The following GABRB2 variants were observed in gnomAD, a reference collection of about 807,000 sequenced individuals.
The protein encoded by GABRB2 is gamma-aminobutyric acid receptor subunit beta-2.
A neutral mutation model predicts 54.7 loss-of-function variants in GABRB2; 16 were observed. The ratio of observed to expected loss-of-function variants is 0.29; its 90% CI spans 0.20 to 0.44. The LOEUF is 0.44. Ranked by LOEUF, GABRB2 falls within the 20% of genes least tolerant of loss-of-function variation. GABRB2 has a pLI of 1.00. For synonymous variants in GABRB2, 244 were observed against 233.8 expected (o/e 1.04, Z -0.40); for missense variants, 355 against 644.0 (o/e 0.55, Z 4.86).
intron 5 of GABRB2, among the ~76,000 whole-genome samples, chr5:161,355,888 A>G (rs1754611471): frequency 6.6e-6 from 1 of 152,128 alleles, no homozygotes; most frequent in Non-Finnish European, 1.5e-5. Context: ...TATTCATGCA[A>G]AAGATTTTTA....
At chr5:161,404,714 G>A (rs936659603) in intron 5 of GABRB2, among the ~76,000 whole-genome samples, 2 of 152,068 alleles carry the variant, frequency 1.3e-5, no homozygotes, top group African/African-American at 4.8e-5. Flanking sequence ...AAACACATAC[G>A]CTGTTCTACT....
chr5:161,334,012 T>C (rs1753923123), intron 7 of GABRB2, among the ~76,000 whole-genome samples: 1 of 152,198 alleles, frequency 6.6e-6, no homozygotes, highest in Non-Finnish European at 1.5e-5. Flanking sequence ...TTAGCATATA[T>C]TAGGTATTTA....
At chr5:161,493,015 C>T (rs1759127494) in intron 3 of GABRB2, among the ~76,000 whole-genome samples, 1 of 151,560 alleles carries the variant, frequency 6.6e-6, no homozygotes, top group African/African-American at 2.4e-5. Context: ...GCACTAATGC[C>T]AGCATTTCTG....
intron 5 of GABRB2, among the ~76,000 whole-genome samples, chr5:161,365,073 C>G (rs980822231): frequency 6.6e-6 from 1 of 152,164 alleles, no homozygotes; most frequent in Non-Finnish European, 1.5e-5. Flanking sequence ...GAGAAAGGCT[C>G]AAGCTACAGC....
chr5:161,536,236 T>C (rs750894045), intron 3 of GABRB2, among the ~76,000 whole-genome samples: 2 of 152,038 alleles, frequency 1.3e-5, no homozygotes, highest in Admixed American at 6.5e-5. Flanking sequence ...TGTTGAGCGC[T>C]GTACGAAAGT....
intron 6 of GABRB2, 117 bp downstream of exon 6, chr5:161,336,515 T>C: frequency 1.7e-6 from 2 of 1,205,912 alleles, no homozygotes; most frequent in Non-Finnish European, 2.3e-6. Flanking sequence ...GGGTTTTCAG[T>C]GGATTTGTCT....
intron 5 of GABRB2, among the ~76,000 whole-genome samples, chr5:161,382,884 C>G: frequency 6.6e-6 from 1 of 152,158 alleles, no homozygotes; most frequent in East Asian, 1.9e-4. Context: ...GTCATGAGGT[C>G]CCCTGAGCCG....
At chr5:161,508,621 A>G (rs1759676299) in intron 3 of GABRB2, among the ~76,000 whole-genome samples, 2 of 152,032 alleles carry the variant, frequency 1.3e-5, no homozygotes, top group South Asian at 4.1e-4. Flanking sequence ...AGTTACATTC[A>G]TAATAAGGAA....
At chr5:161,405,194 G>A (rs1309960138) in intron 5 of GABRB2, among the ~76,000 whole-genome samples, 1 of 151,924 alleles carries the variant, frequency 6.6e-6, no homozygotes, top group East Asian at 1.9e-4. Flanking sequence ...CTTCCTCAGG[G>A]TAAATGTTCC....
chr5:161,523,871 T>C (rs1451111812), intron 3 of GABRB2, among the ~76,000 whole-genome samples: 1 of 151,270 alleles, frequency 6.6e-6, no homozygotes, highest in Non-Finnish European at 1.5e-5. Context: ...ATATTCTGAG[T>C]AGATACTGAA....
chr5:161,422,984 G>A (rs1196781982), intron 4 of GABRB2, among the ~76,000 whole-genome samples: 2 of 152,084 alleles, frequency 1.3e-5, no homozygotes, highest in African/African-American at 2.4e-5. Flanking sequence ...TTGTTCTAAT[G>A]AATCTCTTTA....
chr5:161,539,926 T>C (rs1237795074), intron 3 of GABRB2, among the ~76,000 whole-genome samples: 3 of 152,212 alleles, frequency 2.0e-5, no homozygotes, highest in Non-Finnish European at 2.9e-5. Context: ...CTAACAATCA[T>C]CTGAGCCTTC....
At chr5:161,501,198 G>GA (rs1317650813) in intron 3 of GABRB2, among the ~76,000 whole-genome samples, 2 of 151,642 alleles carry the variant, frequency 1.3e-5, no homozygotes, top group Non-Finnish European at 2.9e-5. Flanking sequence ...TAGAAATCAA[G>GA]AAAAAAATCA....
At chr5:161,440,758 C>T (rs1283812030) in intron 4 of GABRB2, among the ~76,000 whole-genome samples, 1 of 152,002 alleles carries the variant, frequency 6.6e-6, no homozygotes, top group Non-Finnish European at 1.5e-5. Context: ...ATGGTACTGG[C>T]ATAGAAACAG....
intron 4 of GABRB2, 73 bp downstream of exon 4, chr5:161,459,551 A>G (rs1758058296): frequency 1.6e-6 from 2 of 1,232,878 alleles, no homozygotes; most frequent in Non-Finnish European, 2.4e-6. Context: ...AAATAGCACA[A>G]TATTTCCATC....
intron 5 of GABRB2, among the ~76,000 whole-genome samples, chr5:161,337,416 A>G (rs1449688940): frequency 6.6e-6 from 1 of 152,148 alleles, no homozygotes; most frequent in Non-Finnish European, 1.5e-5. Context: ...AAAAACTCAA[A>G]ACAACATTAA....
At chr5:161,372,515 A>T (rs1275901301) in intron 5 of GABRB2, among the ~76,000 whole-genome samples, 3 of 152,156 alleles carry the variant, frequency 2.0e-5, no homozygotes, top group Admixed American at 6.5e-5. Context: ...ACTCATTTAC[A>T]TCTTCCCTAA....
chr5:161,532,049 G>T (rs989212092), intron 3 of GABRB2, among the ~76,000 whole-genome samples: 1 of 151,942 alleles, frequency 6.6e-6, no homozygotes, highest in African/African-American at 2.4e-5. Flanking sequence ...ACATCTTCAC[G>T]CAGGGTACTT....
chr5:161,484,506 C>T (rs1025174824), intron 3 of GABRB2, among the ~76,000 whole-genome samples: 2 of 151,900 alleles, frequency 1.3e-5, no homozygotes, highest in Non-Finnish European at 2.9e-5. Flanking sequence ...AGAAAGGCCT[C>T]CAACAGTGTT....
Sources: gnomAD v4.1 joint callset for allele counts (sites outside exome capture counted in the v4.1 genomes callset) on GRCh38, gnomAD v4.1.1 for gene constraint, MANE v1.5 for transcripts, NCBI Gene and HGNC (gene_info 2026-07-23, HGNC 2026-07-21) for gene names.